OR7A5: variants seen among roughly 807,000 people sequenced by gnomAD.
OR7A5 encodes the protein olfactory receptor 7A5.
For synonymous variants in OR7A5, 140 were observed against 146.7 expected, an observed-to-expected ratio of 0.95 and a Z score of 0.33; for missense variants, 319 against 377.9, an observed-to-expected ratio of 0.84 and a Z score of 1.29.
In OR7A5 at chr19:14,828,167, G is replaced by C. The variant is rs1288285283; in HGVS notation, c.75C>G (p.Pro25=). The C allele has an allele frequency of 6.2e-7, 1 of 1,614,086 alleles. No homozygotes were observed. Among genetic ancestry groups the C allele is most frequent in the Admixed American group, 1.7e-5 (1 of 59,998 alleles). ...TGGACAGGAACAGCCCAAAGAGGAA[G>C]GGTTGCAGTCCAGGTTCTTGTGAAA... is the stretch of plus-strand genomic sequence containing the variant. ...LGFSQEPGLQ[P]FLFGLFLSMY... is the part of the protein sequence containing the mutation. The change falls in exon 2 of 2, where the codon CCC becomes CCG. Residue 25 remains proline (P), a synonymous_variant. Transcript: ENST00000322301.
chr19:14,833,995 C>CCGGGTACTCTAATTTTGGTGACAGA (rs1555696582), intron 1 of OR7A5, among the ~76,000 whole-genome samples: 2 of 152,136 alleles, frequency 1.3e-5, no homozygotes, highest in Non-Finnish European at 2.9e-5. Context: ...CGTGGTGGCA[C>CCGGGTACTCTAATTTTGGTGACAGA]ACGTCTGCAA....
intron 1 of OR7A5, among the ~76,000 whole-genome samples, chr19:14,830,858 A>G (rs2044824990): frequency 6.6e-6 from 1 of 152,114 alleles, no homozygotes; most frequent in Non-Finnish European, 1.5e-5. Context: ...ATGACTCACA[A>G]TCTTCCTGCA....
rs752560887 is a variant in OR7A5, at chr19:14,828,127, C to T, written c.115G>A (p.Val39Met). 1 of 1,614,092 alleles carries T rather than the reference C, an allele frequency of 6.2e-7. No homozygotes were observed. Among genetic ancestry groups the T allele is most frequent in the East Asian group, 2.2e-5 (1 of 44,868 alleles). ...AGGATGATGAGCAGGTTCCCGAGCA[C>T]AGTGACCAGGTACATGGACAGGAAC... ...GLFLSMYLVT[V>M]LGNLLIILAT... The change falls in exon 2 of 2, where the codon GTG (valine) becomes ATG (methionine). Residue 39 changes from valine to methionine, a missense_variant. Transcript: ENST00000322301.
At position 14,827,451 on chromosome 19, in the gene OR7A5, G is replaced by A. The variant is rs1181173330; in HGVS notation, c.791C>T (p.Ala264Val). ...AILGVYLSSAATRNSHSSATA... is the reference protein window; with the variant it reads ...AILGVYLSSAVTRNSHSSATA... Reference sequence around the variant, plus strand: ...TGCACTTGAGTGTGAGTTGCGGGTGGCAGCAGAACTAAGGTACACCCCTAG... The same window carrying A: ...TGCACTTGAGTGTGAGTTGCGGGTGACAGCAGAACTAAGGTACACCCCTAG... Residue 264 changes from alanine (A) to valine (V), a missense_variant, in exon 2 of 2, where the codon GCC (alanine) becomes GTC (valine). By Grantham distance (64) the Ala-to-Val change is moderately conservative (BLOSUM62 0). Coordinates refer to ENST00000322301, the MANE Select transcript of OR7A5 (RefSeq NM_017506.2). 15 of 1,613,980 alleles carry A rather than the reference G, an allele frequency of 9.3e-6. 3 individuals are homozygous for A. The South Asian group carries it at 1.6e-4, about 18-fold the overall frequency.
rs756772915 is a variant in OR7A5 at position 14,828,047 on chromosome 19, G to T, written c.195C>A (p.Asn65Lys). The change falls in exon 2 of 2, where the codon AAC becomes AAA. Residue 65 changes from asparagine (N) to lysine (K), a missense_variant. Asn to Lys is a moderately conservative substitution (Grantham distance 94). Coordinates refer to ENST00000322301, the MANE Select transcript of OR7A5 (RefSeq NM_017506.2). ...LHTPMYFFLSNLSFADICVTS... is the reference protein window; with the variant it reads ...LHTPMYFFLSKLSFADICVTS... ...TAACACAAATGTCAGCAAAGGACAG[G>T]TTGGAGAGGAAGAAGTACATGGGGG... is the stretch of plus-strand genomic sequence containing the variant. 2 of 1,614,200 alleles carry T rather than the reference G, an allele frequency of 1.2e-6. No individual in the cohort carries two copies. Among genetic ancestry groups the T allele is most frequent in the South Asian group, 1.1e-5 (1 of 91,086 alleles).
Position 14,827,925 on chromosome 19 carries a change from A to T in OR7A5, c.317T>A (p.Leu106His). 1 of 1,614,202 alleles carries T rather than the reference A, an allele frequency of 6.2e-7. No homozygotes were observed. The highest frequency in any genetic ancestry group is 1.1e-5 in the South Asian group (1 of 91,090). The part of the protein sequence containing the change: ...ACLMQMYFFI[L>H]FAGFENFLLS... ...GAGGAAGTTTTCAAATCCAGCAAAG[A>T]GTATGAAAAAATACATCTGCATGAG... The change falls in exon 2 of 2, where the codon CTC (leucine) becomes CAC (histidine). Residue 106 changes from leucine to histidine, a missense_variant. Physicochemically the swap from Leu to His is moderately conservative, Grantham distance 99. Coordinates refer to ENST00000322301, the MANE Select transcript of OR7A5 (RefSeq NM_017506.2).
chr19:14,828,282 A>G lies in OR7A5; in HGVS notation c.-13-28T>C. On this transcript the variant is annotated intron_variant, in intron 1 of 1. Coordinates refer to ENST00000322301, the MANE Select transcript of OR7A5 (RefSeq NM_017506.2). ...ATCAGAGAGAGAGAGAGAAAGAGGG[A>G]AACGAGACAGGCATGCATTGCTAAC... 5 of 1,567,146 alleles carry G rather than the reference A, an allele frequency of 3.2e-6. No homozygotes were observed. The South Asian group carries it at 6.0e-5, about 19-fold the overall frequency.
In OR7A5 at chr19:14,826,586, A is replaced by G. The variant is rs767398627; in HGVS notation, c.*696T>C. 1 of 152,194 alleles carries G rather than the reference A, an allele frequency of 6.6e-6. No homozygotes were observed. Among genetic ancestry groups the G allele is most frequent in the Non-Finnish European group, 1.5e-5 (1 of 68,044 alleles). The allele number at this position is 152,194 out of a possible 1,614,324, so 9.4% of individuals were successfully genotyped here. The stretch of plus-strand genomic sequence containing the variant: ...AAAACAAGTCTTCCATAGCAATTCA[A>G]TGTATGATTGACAATTTTACTCCAT... On this transcript the variant is annotated 3_prime_UTR_variant, in exon 2 of 2. Coordinates refer to ENST00000322301, the MANE Select transcript of OR7A5 (RefSeq NM_017506.2).
At position 14,835,095 on chromosome 19, in the gene OR7A5, A is replaced by T. The variant is rs1278432160; in HGVS notation, c.-35T>A. The T allele has an allele frequency of 6.6e-6, 1 of 152,164 alleles. No individual in the cohort carries two copies. Among genetic ancestry groups the T allele is most frequent in the Non-Finnish European group, 1.5e-5 (1 of 68,052 alleles). 9.4% of individuals were successfully genotyped at this position (152,164 alleles called of 1,614,324 possible). The stretch of plus-strand genomic sequence containing the variant: ...TCACCAGGAGGGGATCTCTCCGAGG[A>T]AGAGTTCCTTGTGTAAGTGCAAATT... On this transcript the variant is annotated 5_prime_UTR_variant, in exon 1 of 2. Coordinates refer to ENST00000322301, the MANE Select transcript of OR7A5 (RefSeq NM_017506.2).
In OR7A5 at chr19:14,826,378, G is replaced by T. The variant is rs2044767864; in HGVS notation, c.*904C>A. 6.6e-6 allele frequency: 1 copy of T among 152,148 alleles called. No individual in the cohort carries two copies. Among genetic ancestry groups the T allele is most frequent in the African/African-American group, 2.4e-5 (1 of 41,426 alleles). 9.4% of individuals were successfully genotyped at this position (152,148 alleles called of 1,614,324 possible). On this transcript the variant is annotated 3_prime_UTR_variant, in exon 2 of 2. Coordinates refer to ENST00000322301, the MANE Select transcript of OR7A5 (RefSeq NM_017506.2). Reference sequence around the variant, plus strand: ...TACGACAAAATTTTATAATGAAGGAGGTATTTTGGTTAGTGGGATAGAAGG... The same window carrying T: ...TACGACAAAATTTTATAATGAAGGATGTATTTTGGTTAGTGGGATAGAAGG...
intron 1 of OR7A5, among the ~76,000 whole-genome samples, chr19:14,831,567 C>T (rs550880855): frequency 9.9e-5 from 15 of 152,184 alleles, no homozygotes; most frequent in African/African-American, 3.6e-4. Context: ...GCCTCAGCCT[C>T]CTGAGTAGCT....
chr19:14,830,633 A>G (rs117234263), intron 1 of OR7A5, among the ~76,000 whole-genome samples: 1,853 of 152,326 alleles, frequency 0.012, 16 homozygotes, highest in Non-Finnish European at 0.019. Flanking sequence ...TAACAATAGT[A>G]TTTAATTATG....
intron 1 of OR7A5, 39 bp from the exon 2 acceptor site, chr19:14,828,293 G>T (rs118148336): frequency 6.5e-7 from 1 of 1,537,748 alleles, no homozygotes; most frequent in Non-Finnish European, 8.8e-7. Context: ...AACGAGACAG[G>T]CATGCATTGC....
intron 1 of OR7A5, among the ~76,000 whole-genome samples, chr19:14,832,122 C>T (rs1599927435): frequency 6.6e-6 from 1 of 152,208 alleles, no homozygotes; most frequent in African/African-American, 2.4e-5. Context: ...GTTGCCCAGG[C>T]TGGTCTCAAA....
At position 14,827,572 on chromosome 19, in the gene OR7A5, A is replaced by G. The variant is rs183426951; in HGVS notation, c.670T>C (p.Ser224Pro). Residue 224 changes from serine to proline, a missense_variant, in exon 2 of 2, where the codon TCC becomes CCC. Transcript: ENST00000322301. ...ILYSYSKIIS[S>P]IHAISSAQGK... is the part of the protein sequence containing the mutation. ...TGAGCTGATGAGATTGCATGTATGG[A>G]AGAAATTATCTTAGAGTAAGAGTAA... The G allele has an allele frequency of 6.2e-7, 1 of 1,614,158 alleles. No homozygotes were observed. The highest frequency in any genetic ancestry group is 1.3e-5 in the African/African-American group (1 of 75,034).
intron 1 of OR7A5, among the ~76,000 whole-genome samples, chr19:14,830,553 C>G (rs981119501): frequency 3.3e-5 from 5 of 152,012 alleles, no homozygotes; most frequent in African/African-American, 1.2e-4. Flanking sequence ...CTCCTCGATG[C>G]CTGGCAAAAT....
chr19:14,833,890 G>A (rs2044858609), intron 1 of OR7A5, among the ~76,000 whole-genome samples: 1 of 152,154 alleles, frequency 6.6e-6, no homozygotes, highest in East Asian at 1.9e-4. Flanking sequence ...GATGGCAAAC[G>A]GGTACTCTAA....
rs2044784522 is a variant in OR7A5 at position 14,827,665 on chromosome 19, A to G, written c.577T>C (p.Phe193Leu). 1 of 1,614,196 alleles carries G rather than the reference A, an allele frequency of 6.2e-7. No homozygotes were observed. Among genetic ancestry groups the G allele is most frequent in the Non-Finnish European group, 8.5e-7 (1 of 1,180,026 alleles). ...AAATATATCACCATGTGATTAAGAA[A>G]GCTATCAGAACAAGCAAGTTGGATG... ...QVIQLACSDSFLNHMVIYFTV... is the reference protein window; with the variant it reads ...QVIQLACSDSLLNHMVIYFTV... Residue 193 changes from phenylalanine (F) to leucine (L), a missense_variant, in exon 2 of 2, where the codon TTT becomes CTT. By Grantham distance (22) the Phe-to-Leu change is conservative (BLOSUM62 0). Transcript: ENST00000322301.
chr19:14,830,480 G>A (rs1327068085), intron 1 of OR7A5, among the ~76,000 whole-genome samples: 1 of 149,548 alleles, frequency 6.7e-6, no homozygotes, highest in East Asian at 2.1e-4. Flanking sequence ...GCTTGCTGGG[G>A]ATCTTATAGG....
Sources: allele counts gnomAD v4.1 joint callset (sites outside exome capture counted in the v4.1 genomes callset), GRCh38; gene constraint gnomAD v4.1.1; transcripts MANE v1.5; gene names NCBI Gene and HGNC (gene_info 2026-07-23, HGNC 2026-07-21).